Variants in THSD4 observed in about 807,000 individuals in gnomAD.
THSD4 encodes the protein thrombospondin type 1 domain containing 4.
In THSD4, 69 loss-of-function variants were observed where a neutral mutation model predicts 119.0. That is an observed-to-expected ratio of 0.58 (90% confidence interval 0.48 to 0.71). THSD4 has a LOEUF of 0.71. Ranked by LOEUF, THSD4 falls within the 30% of genes least tolerant of loss-of-function variation. The pLI is 0.00. For synonymous variants in THSD4, 524 were observed against 540.4 expected (o/e 0.97, Z 0.42); for missense variants, 1,393 against 1,391.1 (o/e 1.00, Z -0.02).
chr15:71,556,589 A>G (rs901289399), intron 7 of THSD4, among the ~76,000 whole-genome samples: 5 of 141,640 alleles, frequency 3.5e-5, no homozygotes, highest in African/African-American at 1.6e-4. Context: ...AAAAAAAATA[A>G]TAATAATTGA....
At chr15:71,124,740 G>A (rs746759823) in intron 1 of THSD4, among the ~76,000 whole-genome samples, 79 of 151,916 alleles carry the variant, frequency 5.2e-4, no homozygotes, top group Non-Finnish European at 9.0e-4. Context: ...ATTCTATTTC[G>A]TGACTTAAAT....
chr15:71,738,090 C>T lies in THSD4; in HGVS notation c.1906+83C>T, dbSNP rs766769079. 6 of 1,531,634 alleles carry T rather than the reference C, an allele frequency of 3.9e-6. No individual in the cohort carries two copies. In the Admixed American group the frequency reaches 6.1e-5, roughly 16 times the overall value. The allele number at this position is 1,531,634 out of a possible 1,614,324, so 94.9% of individuals were successfully genotyped here. On this transcript the variant is annotated intron_variant, in intron 11 of 17. Transcript: ENST00000261862. ...GGTGGCCCAAGGCAGCGGTCCCCGGCTTTTTTGGCACCAGGGACTGGTTTC... is the reference window on the plus strand; with the variant it reads ...GGTGGCCCAAGGCAGCGGTCCCCGGTTTTTTTGGCACCAGGGACTGGTTTC...
At chr15:71,217,617 C>G (rs529754713) in intron 4 of THSD4, among the ~76,000 whole-genome samples, 1 of 147,470 alleles carries the variant, frequency 6.8e-6, no homozygotes, top group Non-Finnish European at 1.5e-5. Context: ...AGAGAGACTC[C>G]GTCTCAAAAA....
intron 8 of THSD4, among the ~76,000 whole-genome samples, chr15:71,696,237 G>A (rs1158262679): frequency 6.6e-6 from 1 of 152,184 alleles, no homozygotes; most frequent in Non-Finnish European, 1.5e-5. Context: ...TTTTGGTGAG[G>A]GCTTTCGTGC....
intron 6 of THSD4, among the ~76,000 whole-genome samples, chr15:71,289,692 GA>G (rs2044765511): frequency 6.6e-6 from 1 of 152,172 alleles, no homozygotes; most frequent in Non-Finnish European, 1.5e-5. Flanking sequence ...TCTGTTTTAA[GA>G]ACAGAGAATC....
intron 7 of THSD4, among the ~76,000 whole-genome samples, chr15:71,541,275 C>T (rs902581203): frequency 6.6e-6 from 1 of 151,934 alleles, no homozygotes; most frequent in African/African-American, 2.4e-5. Flanking sequence ...TTGCTTATAC[C>T]AAGTTTTCAA....
At chr15:71,568,191 C>T (rs1346607015) in intron 7 of THSD4, among the ~76,000 whole-genome samples, 1 of 152,126 alleles carries the variant, frequency 6.6e-6, no homozygotes, top group Non-Finnish European at 1.5e-5. Context: ...CGAGGACTCC[C>T]TGGTCTTCAC....
rs146885120 is a variant in THSD4 at position 71,745,110 on chromosome 15, G to A, written c.1911G>A (p.Ser637=). Reference sequence around the variant, plus strand: ...GACATTCTCCTGTTGTTGCAGGATCGCAGTACCCTATTTTCCGCTGTGTGC... The same window carrying A: ...GACATTCTCCTGTTGTTGCAGGATCACAGTACCCTATTTTCCGCTGTGTGC... The part of the protein sequence containing the change: ...TECSTTCGKG[S]QYPIFRCVHR... The change falls in exon 12 of 18, where the codon TCG becomes TCA. Residue 637 remains serine, a synonymous_variant. Transcript: ENST00000261862. 28 of 1,610,308 alleles carry A rather than the reference G, an allele frequency of 1.7e-5. No homozygotes were observed. The highest frequency in any genetic ancestry group is 2.2e-4 in the Middle Eastern group (1 of 4,506).
At chr15:71,771,663 T>A (rs1255765511) in intron 17 of THSD4, among the ~76,000 whole-genome samples, 1 of 152,108 alleles carries the variant, frequency 6.6e-6, no homozygotes. Context: ...AGGGGCGTAG[T>A]GCAAGCTGAG....
intron 1 of THSD4, among the ~76,000 whole-genome samples, chr15:71,117,095 G>A (rs1029095778): frequency 1.3e-5 from 2 of 152,038 alleles, no homozygotes; most frequent in African/African-American, 4.8e-5. Context: ...AATGAGTTTG[G>A]GTGATCAGGA....
intron 7 of THSD4, among the ~76,000 whole-genome samples, chr15:71,471,946 GCT>G (rs147182569): frequency 0.016 from 2,407 of 152,166 alleles, 45 homozygotes; most frequent in South Asian, 0.047. Context: ...AGAGGATCTT[GCT>G]CTGTCACCCA....
chr15:71,753,884 G>A (rs961011703), intron 14 of THSD4, among the ~76,000 whole-genome samples: 4 of 152,272 alleles, frequency 2.6e-5, no homozygotes, highest in African/African-American at 9.6e-5. Flanking sequence ...CTCCCATTGG[G>A]CACTGGCATG....
intron 8 of THSD4, among the ~76,000 whole-genome samples, chr15:71,673,999 C>T (rs2051587702): frequency 6.6e-6 from 1 of 152,164 alleles, no homozygotes; most frequent in African/African-American, 2.4e-5. Context: ...CTTTTGCACC[C>T]AACTGTCTGT....
intron 8 of THSD4, among the ~76,000 whole-genome samples, chr15:71,706,628 G>A (rs897727449): frequency 3.7e-4 from 57 of 152,278 alleles, no homozygotes; most frequent in Middle Eastern, 3.4e-3. Context: ...AACTGGACCC[G>A]AGGTAGACAG....
chr15:71,763,121 C>T (rs2723347), intron 15 of THSD4, among the ~76,000 whole-genome samples: 4,354 of 151,874 alleles, frequency 0.029, 204 homozygotes, highest in African/African-American at 0.1. Context: ...TTTAATGCTA[C>T]GAAGATGGCA....
At chr15:71,433,780 G>C (rs2046971528) in intron 7 of THSD4, among the ~76,000 whole-genome samples, 1 of 152,134 alleles carries the variant, frequency 6.6e-6, no homozygotes, top group African/African-American at 2.4e-5. Context: ...GGCCATGTTA[G>C]GCTGGGCCCT....
intron 3 of THSD4, among the ~76,000 whole-genome samples, chr15:71,180,113 G>A (rs2141419427): frequency 7.6e-6 from 1 of 132,150 alleles, no homozygotes; most frequent in East Asian, 2.1e-4. Flanking sequence ...TGCACAATGT[G>A]CACATGTACC....
At chr15:71,653,129 C>T (rs563217603) in intron 7 of THSD4, among the ~76,000 whole-genome samples, 2 of 152,194 alleles carry the variant, frequency 1.3e-5, no homozygotes, top group South Asian at 2.1e-4. Context: ...GCTTATTAAA[C>T]ACCTACCAAG....
At chr15:71,570,000 A>AG (rs1181085242) in intron 7 of THSD4, among the ~76,000 whole-genome samples, 5 of 110,342 alleles carry the variant, frequency 4.5e-5, no homozygotes, top group Non-Finnish European at 8.8e-5. Context: ...TTTCAAAAAA[A>AG]TAAAATAAAA....
Sources: allele counts gnomAD v4.1 joint callset (sites outside exome capture counted in the v4.1 genomes callset), GRCh38; gene constraint gnomAD v4.1.1; transcripts MANE v1.5; gene names NCBI Gene and HGNC (gene_info 2026-07-23, HGNC 2026-07-21).